LRP3: variants seen among roughly 807,000 people sequenced by gnomAD.
The protein encoded by LRP3 is low-density lipoprotein receptor-related protein 3.
LRP3 carries 49 observed loss-of-function variants against 58.5 expected under a neutral mutation model. The observed-to-expected ratio is 0.84, with a 90% confidence interval of 0.67 to 1.06. The LOEUF is 1.06. Ranked by LOEUF, LRP3 falls within the 50% of genes least tolerant of loss-of-function variation. The pLI, the probability that LRP3 is intolerant of heterozygous loss-of-function variation, is 0.00. For synonymous variants in LRP3, 485 were observed against 492.2 expected (o/e 0.99, Z 0.20); for missense variants, 1,019 against 1,134.2 (o/e 0.90, Z 1.46).
rs1174358382 is a variant in LRP3 at position 33,194,536 on chromosome 19, G to T, written c.-250G>T. The stretch of plus-strand genomic sequence containing the variant: ...GGTCTTCCCTGGCGGCCGCCGCTGA[G>T]CCCCCGCAGGGCCCGTGACGCCGCG... On this transcript the variant is annotated 5_prime_UTR_variant, in exon 1 of 7. Coordinates refer to ENST00000253193, the MANE Select transcript of LRP3 (RefSeq NM_002333.4). 6.9e-6 allele frequency: 1 copy of T among 145,890 alleles called. No homozygotes were observed. The highest frequency in any genetic ancestry group is 2.5e-5 in the African/African-American group (1 of 40,564). The allele number at this position is 145,890 out of a possible 1,614,324, so 9.0% of individuals were successfully genotyped here.
chr19:33,206,899 C>G, intron 6 of LRP3, 89 bp from the exon 7 acceptor site: 1 of 1,214,464 alleles, frequency 8.2e-7, no homozygotes, highest in East Asian at 2.7e-5. Flanking sequence ...GGTCTCAGGT[C>G]CCTTGGGGGT....
rs576868212 is a variant in LRP3, at chr19:33,207,275, C to T, written c.2013C>T (p.Pro671=). Reference sequence around the variant, plus strand: ...CCGGAGACAGGCCCCCCAGTGCCCCCGGCCGTGCACCGGAGGTGGGACCTT... The same window carrying T: ...CCGGAGACAGGCCCCCCAGTGCCCCTGGCCGTGCACCGGAGGTGGGACCTT... The part of the protein sequence containing the change: ...RAAGDRPPSA[P]GRAPEVGPSG... Residue 671 remains proline, a synonymous_variant, in exon 7 of 7, where the codon CCC becomes CCT. Transcript: ENST00000253193. 7.0e-5 allele frequency: 109 copies of T among 1,554,224 alleles called. No individual in the cohort carries two copies. The highest frequency in any genetic ancestry group is 2.0e-4 in the African/African-American group (15 of 74,230).
chr19:33,194,826 GCGCCCGGGCGCAGCTGGC>G lies in LRP3; in HGVS notation c.44_61del (p.Ala15_Ala20del). The G allele has an allele frequency of 9.1e-7, 1 of 1,100,546 alleles. No individual in the cohort carries two copies. The highest frequency in any genetic ancestry group is 1.1e-6 in the Non-Finnish European group (1 of 905,248). 68.2% of individuals were successfully genotyped at this position (1,100,546 alleles called of 1,614,324 possible). A position where few individuals can be genotyped will look rare whatever the true frequency, so the allele number is the denominator to read the frequency against. ...GCCGCGGGGCTGGAGGGCGCGCCGGGCGCCCGGGCGCAGCTGGCCGTCGTCTGTCTGGGTGAGTGGGCC... is the reference window on the plus strand; with the variant it reads ...GCCGCGGGGCTGGAGGGCGCGCCGGGCGTCGTCTGTCTGGGTGAGTGGGCC... On this transcript the variant is annotated inframe_deletion, in exon 1 of 7. Coordinates refer to ENST00000253193, the MANE Select transcript of LRP3 (RefSeq NM_002333.4).
chr19:33,205,081 C>A, intron 4 of LRP3, 165 bp from the exon 5 acceptor site: 1 of 845,386 alleles, frequency 1.2e-6, no homozygotes, highest in Non-Finnish European at 1.8e-6. Flanking sequence ...GGAACTCACC[C>A]CTAACCCCAG....
At chr19:33,203,509 A>G (rs895938893) in intron 3 of LRP3, among the ~76,000 whole-genome samples, 1 of 152,258 alleles carries the variant, frequency 6.6e-6, no homozygotes, top group Non-Finnish European at 1.5e-5. Context: ...AGGTGTAACC[A>G]TGTGTGAACC....
intron 5 of LRP3, 101 bp downstream of exon 5, chr19:33,206,463 A>G (rs770759732): frequency 3.8e-6 from 6 of 1,594,498 alleles, no homozygotes; most frequent in African/African-American, 1.3e-5. Context: ...GACTAGCTAC[A>G]TGGAGGCTGC....
chr19:33,208,807 AAC>A lies in LRP3; in HGVS notation c.*1234_*1235del. On this transcript the variant is annotated 3_prime_UTR_variant, in exon 7 of 7. Transcript: ENST00000253193. The surrounding 1 kb of genome is among the most constrained non-coding windows in gnomAD (Gnocchi z 4.7). The stretch of plus-strand genomic sequence containing the variant: ...CTTTTTTCTTTTTTTTCCAGAAAAA[AAC>A]AAAACAAAACTTTTTTGCCAAAACA... 1 of 1,590,256 alleles carries A rather than the reference AAC, an allele frequency of 6.3e-7. No homozygotes were observed. Among genetic ancestry groups the A allele is most frequent in the Non-Finnish European group, 8.6e-7 (1 of 1,164,470 alleles).
chr19:33,208,814 C>T lies in LRP3; in HGVS notation c.*1239C>T. ...CTTTTTTTTCCAGAAAAAAACAAAA[C>T]AAAACTTTTTTGCCAAAACACCTCC... On this transcript the variant is annotated 3_prime_UTR_variant, in exon 7 of 7. Transcript: ENST00000253193. This position sits in a 1 kb window ranked among gnomAD's most constrained non-coding sequence, Gnocchi z 4.7. 6.3e-7 allele frequency: 1 copy of T among 1,575,796 alleles called. No individual in the cohort carries two copies. The highest frequency in any genetic ancestry group is 8.7e-7 in the Non-Finnish European group (1 of 1,155,928).
intron 6 of LRP3, 75 bp from the exon 7 acceptor site, chr19:33,206,913 C>T: frequency 8.0e-7 from 1 of 1,244,802 alleles, no homozygotes; most frequent in South Asian, 1.6e-5. Context: ...TGGGGGTGTG[C>T]TGTCTCCTGC....
At chr19:33,203,673 C>T (rs1341601875) in intron 3 of LRP3, among the ~76,000 whole-genome samples, 3 of 152,168 alleles carry the variant, frequency 2.0e-5, no homozygotes, top group Non-Finnish European at 4.4e-5. Flanking sequence ...CTCAGCTCTG[C>T]CAGGAAGGCA....
In LRP3 at chr19:33,204,774, G is replaced by A. The variant is rs778054192; in HGVS notation, c.397G>A (p.Asp133Asn). 1.9e-5 allele frequency: 31 copies of A among 1,613,170 alleles called. No homozygotes were observed. In the Admixed American group the frequency reaches 3.5e-4, roughly 18 times the overall value. ...CCCACCTGCCTTCATCTCTGCCCGC[G>A]ACCATGTCTGGATTTTCTTCCACTC... ...AIPPAFISAR[D>N]HVWIFFHSDA... Residue 133 changes from aspartate to asparagine, a missense_variant, in exon 4 of 7, where the codon GAC becomes AAC. Physicochemically the swap from Asp to Asn is conservative, Grantham distance 23. Coordinates refer to ENST00000253193, the MANE Select transcript of LRP3 (RefSeq NM_002333.4).
chr19:33,202,941 G>A lies in LRP3; in HGVS notation c.215G>A (p.Cys72Tyr). 6.8e-6 allele frequency: 11 copies of A among 1,612,890 alleles called. No individual in the cohort carries two copies. Among genetic ancestry groups the A allele is most frequent in the Non-Finnish European group, 8.5e-6 (10 of 1,179,590 alleles). ...WPLNYPPGTN[C>Y]SWYIQGDRGD... is the part of the protein sequence containing the mutation. ...CTCAACTACCCGCCAGGCACCAACT[G>A]CAGCTGGTACATCCAGGGCGACCGT... The change falls in exon 3 of 7, where the codon TGC becomes TAC. Residue 72 changes from cysteine to tyrosine, a missense_variant. Cys to Tyr is a radical substitution (Grantham distance 194). Coordinates refer to ENST00000253193, the MANE Select transcript of LRP3 (RefSeq NM_002333.4).
rs1010915026 is a variant in LRP3, at chr19:33,207,690, G to C, written c.*115G>C. 1.2e-5 allele frequency: 10 copies of C among 828,006 alleles called. No homozygotes were observed. In the African/African-American group the frequency reaches 1.5e-4, roughly 13 times the overall value. 51.3% of individuals were successfully genotyped at this position (828,006 alleles called of 1,614,324 possible). A position where few individuals can be genotyped will look rare whatever the true frequency, so the allele number is the denominator to read the frequency against. On this transcript the variant is annotated 3_prime_UTR_variant, in exon 7 of 7. Coordinates refer to ENST00000253193, the MANE Select transcript of LRP3 (RefSeq NM_002333.4). ...GGAGAGGCCCTCCGGGGACCCCAGCGGAGGGGCTGGCCCCTAAGCCAGCTG... is the reference window on the plus strand; with the variant it reads ...GGAGAGGCCCTCCGGGGACCCCAGCCGAGGGGCTGGCCCCTAAGCCAGCTG...
chr19:33,208,556 T>TCCAGGGCCTGCCACGGCATCTTCCTGG lies in LRP3; in HGVS notation c.*986_*1012dup. 2.5e-6 allele frequency: 1 copy of TCCAGGGCCTGCCACGGCATCTTCCTGG among 395,000 alleles called. No individual in the cohort carries two copies. The highest frequency in any genetic ancestry group is 5.9e-5 in the East Asian group (1 of 16,920). 24.5% of individuals were successfully genotyped at this position (395,000 alleles called of 1,614,324 possible). ...AAGCCCCCTAATGTCAAGAGCCTCCTCCAGGGCCTGCCACGGCATCTTCCT... is the reference window on the plus strand; with the variant it reads ...AAGCCCCCTAATGTCAAGAGCCTCCTCCAGGGCCTGCCACGGCATCTTCCTGGCCAGGGCCTGCCACGGCATCTTCCT... On this transcript the variant is annotated 3_prime_UTR_variant, in exon 7 of 7. Transcript: ENST00000253193. The surrounding 1 kb of genome is among the most constrained non-coding windows in gnomAD (Gnocchi z 4.7).
At chr19:33,201,430 G>A (rs1180922064) in intron 2 of LRP3, among the ~76,000 whole-genome samples, 2 of 152,206 alleles carry the variant, frequency 1.3e-5, no homozygotes, top group Non-Finnish European at 2.9e-5. Flanking sequence ...GGTTATGGGA[G>A]GGATGAGGCA....
In LRP3 at chr19:33,205,528, C is replaced by G; in HGVS notation, c.758C>G (p.Ala253Gly). The G allele has an allele frequency of 6.4e-7, 1 of 1,567,512 alleles. No homozygotes were observed. The highest frequency in any genetic ancestry group is 8.6e-7 in the Non-Finnish European group (1 of 1,160,360). Residue 253 changes from alanine to glycine, a missense_variant, in exon 5 of 7, where the codon GCG becomes GGG. By Grantham distance (60) the Ala-to-Gly change is moderately conservative. Coordinates refer to ENST00000253193, the MANE Select transcript of LRP3 (RefSeq NM_002333.4). ...GATGAGGCGGGCTGCCCCGACCTGG[C>G]GTGCGGCCGGCGGCTGGGCAGCTTC... Reference protein sequence around the residue: ...GSDEAGCPDLACGRRLGSFYG... With the variant: ...GSDEAGCPDLGCGRRLGSFYG...
rs1439508310 is a variant in LRP3, at chr19:33,202,835, C to T, written c.122-13C>T. 1.9e-6 allele frequency: 3 copies of T among 1,601,244 alleles called. No individual in the cohort carries two copies. Among genetic ancestry groups the T allele is most frequent in the South Asian group, 1.1e-5 (1 of 89,714 alleles). ...AAGATGGGCCGGCCTTTCTCGGCCT[C>T]CTCTCCCGACAGCGGCCTGCAGTGG... On this transcript the variant is annotated splice_polypyrimidine_tract_variant and intron_variant, in intron 2 of 6. Transcript: ENST00000253193.
At position 33,208,126 on chromosome 19, in the gene LRP3, G is replaced by A. The variant is rs983220752; in HGVS notation, c.*551G>A. Reference sequence around the variant, plus strand: ...CTGAAGGTCCAATCTCCTGGGCACCGTGGAAGGGCTGGGGTGTGTGCCTGC... The same window carrying A: ...CTGAAGGTCCAATCTCCTGGGCACCATGGAAGGGCTGGGGTGTGTGCCTGC... On this transcript the variant is annotated 3_prime_UTR_variant, in exon 7 of 7. Transcript: ENST00000253193. This position sits in a 1 kb window ranked among gnomAD's most constrained non-coding sequence, Gnocchi z 4.7. 14 of 163,216 alleles carry A rather than the reference G, an allele frequency of 8.6e-5. No homozygotes were observed. The highest frequency in any genetic ancestry group is 1.5e-4 in the Non-Finnish European group (11 of 74,148). The allele number at this position is 163,216 out of a possible 1,614,324, so 10.1% of individuals were successfully genotyped here.
rs746813903 is a variant in LRP3 at position 33,205,879 on chromosome 19, C to T, written c.1109C>T (p.Pro370Leu). 3.7e-6 allele frequency: 6 copies of T among 1,606,888 alleles called. No individual in the cohort carries two copies. In the South Asian group the frequency reaches 5.5e-5, roughly 15 times the overall value. Residue 370 changes from proline to leucine, a missense_variant, in exon 5 of 7, where the codon CCC becomes CTC. This residue lies in a region of LRP3 where 592 missense variants were observed against 725.5 expected (regional missense o/e 0.82). Coordinates refer to ENST00000253193, the MANE Select transcript of LRP3 (RefSeq NM_002333.4). Reference sequence around the variant, plus strand: ...TACCAGGTGAAGGGCTATTGCCTCCCCTGGGAGCAGCCGTGCGGGAGCAGT... The same window carrying T: ...TACCAGGTGAAGGGCTATTGCCTCCTCTGGGAGCAGCCGTGCGGGAGCAGT... ...ATYQVKGYCL[P>L]WEQPCGSSSD...
Sources: gnomAD v4.1 joint callset for allele counts (sites outside exome capture counted in the v4.1 genomes callset) on GRCh38, gnomAD v4.1.1 for gene constraint, gnomAD v4.1.1 regional missense constraint, Gnocchi (gnomAD v3.1) non-coding constraint, MANE v1.5 for transcripts, NCBI Gene and HGNC (gene_info 2026-07-23, HGNC 2026-07-21) for gene names.